NIM1K: variants seen among roughly 807,000 people sequenced by gnomAD.
NIM1K encodes the protein serine/threonine-protein kinase NIM1.
In NIM1K, 35 loss-of-function variants were observed where a neutral mutation model predicts 37.1. That is an observed-to-expected ratio of 0.94 (90% CI 0.72 to 1.25). NIM1K has a LOEUF of 1.25. Among genes scored for constraint, NIM1K ranks in the 50% most tolerant of loss-of-function variants. The pLI, the probability that NIM1K is intolerant of heterozygous loss-of-function variation, is 0.00. For missense variants in NIM1K, 564 were observed against 548.0 expected, an observed-to-expected ratio of 1.03 and a Z score of -0.29; for synonymous variants, 234 against 206.6, an observed-to-expected ratio of 1.13 and a Z score of -1.14.
chr5:43,202,335 C>T (rs1191297770), intron 1 of NIM1K, among the ~76,000 whole-genome samples: 4 of 152,140 alleles, frequency 2.6e-5, no homozygotes, highest in Admixed American at 6.6e-5. Context: ...AGGTGTAAGC[C>T]ACTGTGCCTA....
chr5:43,224,554 G>T (rs1267849438), intron 1 of NIM1K, among the ~76,000 whole-genome samples: 1 of 151,904 alleles, frequency 6.6e-6, no homozygotes, highest in Non-Finnish European at 1.5e-5. Context: ...TGAGGGATTG[G>T]TTTTTTTACC....
chr5:43,205,754 C>T (rs954090473), intron 1 of NIM1K, among the ~76,000 whole-genome samples: 1 of 152,022 alleles, frequency 6.6e-6, no homozygotes, highest in African/African-American at 2.4e-5. Flanking sequence ...GCTCTGTTGC[C>T]CAGGCTGGAG....
intron 2 of NIM1K, among the ~76,000 whole-genome samples, chr5:43,276,764 G>A (rs1020697947): frequency 6.6e-6 from 1 of 152,228 alleles, no homozygotes; most frequent in Admixed American, 6.5e-5. Flanking sequence ...GATGAGCTGG[G>A]TCTCATCAAG....
intron 1 of NIM1K, among the ~76,000 whole-genome samples, chr5:43,227,090 G>A (rs1752468496): frequency 6.6e-6 from 1 of 152,246 alleles, no homozygotes; most frequent in African/African-American, 2.4e-5. Context: ...ACCGGGCGCA[G>A]TGGCTCATGC....
chr5:43,193,415 C>T (rs1751862793), intron 1 of NIM1K: 1 of 150,228 alleles, frequency 6.7e-6, no homozygotes. Flanking sequence ...TGTTTTCGTC[C>T]TCCTGAGTAC....
intron 1 of NIM1K, among the ~76,000 whole-genome samples, chr5:43,213,526 C>A (rs1752251711): frequency 6.6e-6 from 1 of 151,958 alleles, no homozygotes; most frequent in African/African-American, 2.4e-5. Flanking sequence ...CGGAGTCTCG[C>A]TCTGTCACCC....
chr5:43,248,549 A>G (rs1287662152), intron 2 of NIM1K, among the ~76,000 whole-genome samples: 5 of 152,160 alleles, frequency 3.3e-5, no homozygotes, highest in African/African-American at 9.7e-5. Flanking sequence ...TGGTGATGCC[A>G]AAGAGAAGAA....
At position 43,227,127 on chromosome 5, in the gene NIM1K, G is replaced by A. The variant is rs556738680; in HGVS notation, c.-694-17955G>A. On this transcript the variant is annotated intron_variant, in intron 1 of 3. Coordinates refer to ENST00000326035, the MANE Select transcript of NIM1K (RefSeq NM_153361.4). ...TGTAATCCCAGCACTTTGAGAGGCCGAGGAAGGCGGATCACCTGAGGTCAG... is the reference window on the plus strand; with the variant it reads ...TGTAATCCCAGCACTTTGAGAGGCCAAGGAAGGCGGATCACCTGAGGTCAG... Among the ~76,000 whole-genome samples, 1,321 of 152,274 alleles carry A rather than the reference G, an allele frequency of 8.7e-3. 6 individuals are homozygous for A. The highest frequency in any genetic ancestry group is 0.013 in the Non-Finnish European group (916 of 68,012).
At chr5:43,221,680 G>T (rs1340032773) in intron 1 of NIM1K, among the ~76,000 whole-genome samples, 4 of 152,180 alleles carry the variant, frequency 2.6e-5, no homozygotes, top group Non-Finnish European at 4.4e-5. Context: ...GAAACAGCCG[G>T]ATTGGTTATA....
At chr5:43,275,478 A>G (rs1753324149) in intron 2 of NIM1K, among the ~76,000 whole-genome samples, 1 of 152,208 alleles carries the variant, frequency 6.6e-6, no homozygotes, top group African/African-American at 2.4e-5. Flanking sequence ...TTCAATACAT[A>G]ATACCAAAGT....
At chr5:43,267,348 C>T (rs1301074489) in intron 2 of NIM1K, among the ~76,000 whole-genome samples, 1 of 152,104 alleles carries the variant, frequency 6.6e-6, no homozygotes, top group South Asian at 2.1e-4. Context: ...AAACTTCTCT[C>T]CTCTTAGTTA....
chr5:43,257,796 T>C (rs1266989228), intron 2 of NIM1K, among the ~76,000 whole-genome samples: 1 of 151,380 alleles, frequency 6.6e-6, no homozygotes, highest in African/African-American at 2.4e-5. Context: ...TGGTGGCACA[T>C]GCCTATAGTC....
chr5:43,207,050 A>G, intron 1 of NIM1K: 2 of 730,960 alleles, frequency 2.7e-6, no homozygotes, highest in South Asian at 2.9e-5. Context: ...GGAGCCATCA[A>G]CAGATATTGG....
At chr5:43,268,022 A>G (rs1340711422) in intron 2 of NIM1K, among the ~76,000 whole-genome samples, 1 of 152,142 alleles carries the variant, frequency 6.6e-6, no homozygotes, top group South Asian at 2.1e-4. Context: ...TGCCTCGATG[A>G]TCTGTCTAGT....
intron 1 of NIM1K, among the ~76,000 whole-genome samples, chr5:43,223,556 C>G (rs1752410750): frequency 6.6e-6 from 1 of 152,170 alleles, no homozygotes; most frequent in South Asian, 2.1e-4. Context: ...TAGTAACAGC[C>G]ATGTACGTAC....
Position 43,279,222 on chromosome 5 carries a change from C to T in NIM1K, c.562-758C>T, listed in dbSNP as rs36036217. Among the ~76,000 whole-genome samples, 1,093 of 152,284 alleles carry T rather than the reference C, an allele frequency of 7.2e-3. 7 individuals carry two copies. Among genetic ancestry groups the T allele is most frequent in the Middle Eastern group, 0.034 (10 of 294 alleles). Reference sequence around the variant, plus strand: ...CGTAGTTAGCGTCATATATAGTTCTCACCACAGCCTATGGTTATCAGTATC... The same window carrying T: ...CGTAGTTAGCGTCATATATAGTTCTTACCACAGCCTATGGTTATCAGTATC... On this transcript the variant is annotated intron_variant, in intron 3 of 3. Coordinates refer to ENST00000326035, the MANE Select transcript of NIM1K (RefSeq NM_153361.4).
chr5:43,278,774 T>C (rs1753393628), intron 3 of NIM1K, among the ~76,000 whole-genome samples: 2 of 152,188 alleles, frequency 1.3e-5, no homozygotes, highest in Non-Finnish European at 2.9e-5. Flanking sequence ...CAAGGGAATC[T>C]GTGGCCTAGA....
At chr5:43,252,687 G>T (rs1371855098) in intron 2 of NIM1K, among the ~76,000 whole-genome samples, 1 of 152,124 alleles carries the variant, frequency 6.6e-6, no homozygotes, top group African/African-American at 2.4e-5. Flanking sequence ...TCACAGTTTG[G>T]AATTCCCTTG....
At chr5:43,270,097 C>T (rs2111557546) in intron 2 of NIM1K, among the ~76,000 whole-genome samples, 1 of 152,294 alleles carries the variant, frequency 6.6e-6, no homozygotes, top group South Asian at 2.1e-4. Flanking sequence ...CTTTATTTCT[C>T]TTTCATTTAT....
Sources: allele counts gnomAD v4.1 joint callset (sites outside exome capture counted in the v4.1 genomes callset), GRCh38; gene constraint gnomAD v4.1.1; transcripts MANE v1.5; gene names NCBI Gene and HGNC (gene_info 2026-07-23, HGNC 2026-07-21).